Variants in ENOX1 observed in about 807,000 individuals in gnomAD.
ENOX1 encodes ecto-NOX disulfide-thiol exchanger 1.
ENOX1 carries 42 observed loss-of-function variants against 82.5 expected under a neutral mutation model. The ratio of observed to expected loss-of-function variants is 0.51; its 90% CI spans 0.40 to 0.66. ENOX1 has a LOEUF of 0.66. ENOX1 is among the 30% of genes least tolerant of loss of function. The probability of loss-of-function intolerance (pLI) is 0.00; values close to 1 mark genes in which losing one functional copy is unlikely to be tolerated. For synonymous variants in ENOX1, 271 were observed against 282.2 expected (o/e 0.96, Z 0.40); for missense variants, 608 against 811.6 (o/e 0.75, Z 3.05).
Position 43,726,361 on chromosome 13 carries a change from C to T in ENOX1, c.-284-58817G>A, listed in dbSNP as rs1273246333. 3.3e-5 allele frequency among the ~76,000 whole-genome samples: 5 copies of T among 151,918 alleles called. No individual in the cohort carries two copies. In the South Asian group the frequency reaches 8.3e-4, roughly 25 times the overall value. On this transcript the variant is annotated intron_variant, in intron 1 of 16. Coordinates refer to ENST00000690772, the MANE Select transcript of ENOX1 (RefSeq NM_001347969.2). ...CCTCCTGAGTAGCTGGTATTATAGGCGTGCATCACTACACCTAGCTAATTT... is the reference window on the plus strand; with the variant it reads ...CCTCCTGAGTAGCTGGTATTATAGGTGTGCATCACTACACCTAGCTAATTT...
At chr13:43,600,186 G>C (rs1594037111) in intron 2 of ENOX1, among the ~76,000 whole-genome samples, 1 of 152,184 alleles carries the variant, frequency 6.6e-6, no homozygotes, top group East Asian at 1.9e-4. Context: ...TTAGGAACCA[G>C]CTCCGTCACA....
intron 11 of ENOX1, among the ~76,000 whole-genome samples, chr13:43,314,966 T>G (rs1175722257): frequency 6.6e-6 from 1 of 152,232 alleles, no homozygotes; most frequent in East Asian, 1.9e-4. Context: ...TGTTCTCTAT[T>G]TTCTATTCCA....
chr13:43,346,907 AAG>A (rs2049421043), intron 8 of ENOX1, among the ~76,000 whole-genome samples: 1 of 152,208 alleles, frequency 6.6e-6, no homozygotes, highest in East Asian at 1.9e-4. Context: ...ACAACAGAAA[AAG>A]AGAACACTGA....
chr13:43,582,230 G>C (rs891046269), intron 2 of ENOX1, among the ~76,000 whole-genome samples: 1 of 151,696 alleles, frequency 6.6e-6, no homozygotes, highest in Non-Finnish European at 1.5e-5. Context: ...TTAATAACAT[G>C]CAGAAAATAA....
intron 3 of ENOX1, among the ~76,000 whole-genome samples, chr13:43,449,030 G>A (rs1315738768): frequency 6.6e-6 from 1 of 152,172 alleles, no homozygotes; most frequent in Admixed American, 6.5e-5. Flanking sequence ...CAGAGACAAT[G>A]TTTGTTGAAT....
chr13:43,704,092 C>A (rs1398978898), intron 1 of ENOX1, among the ~76,000 whole-genome samples: 3 of 151,732 alleles, frequency 2.0e-5, no homozygotes, highest in Non-Finnish European at 4.4e-5. Context: ...AAGAAGAGTG[C>A]ACTTTAATAA....
At chr13:43,330,912 T>C (rs1386044742) in intron 9 of ENOX1, among the ~76,000 whole-genome samples, 2 of 152,318 alleles carry the variant, frequency 1.3e-5, no homozygotes, top group South Asian at 2.1e-4. Flanking sequence ...AAGACTAATT[T>C]AACAACTTTT....
intron 2 of ENOX1, among the ~76,000 whole-genome samples, chr13:43,630,348 T>C (rs1682021394): frequency 6.6e-6 from 1 of 152,174 alleles, no homozygotes; most frequent in Non-Finnish European, 1.5e-5. Context: ...CTGGGCTTGT[T>C]TGTATGGTAG....
chr13:43,390,394 GA>G (rs2052700885), intron 5 of ENOX1, among the ~76,000 whole-genome samples: 1 of 152,084 alleles, frequency 6.6e-6, no homozygotes, highest in Non-Finnish European at 1.5e-5. Flanking sequence ...TTATCAAGGA[GA>G]ATGCCTGCAA....
chr13:43,768,428 C>A (rs1951407348), intron 1 of ENOX1, among the ~76,000 whole-genome samples: 2 of 152,070 alleles, frequency 1.3e-5, no homozygotes, highest in Non-Finnish European at 2.9e-5. Context: ...ATAGTGAGAT[C>A]CTGTCTCTGC....
chr13:43,691,304 C>A (rs117918594), intron 1 of ENOX1, among the ~76,000 whole-genome samples: 1 of 151,982 alleles, frequency 6.6e-6, no homozygotes, highest in African/African-American at 2.4e-5. Context: ...GTCCGGGTGC[C>A]CATCACTCCT....
chr13:43,430,869 A>T (rs2055615026), intron 3 of ENOX1, among the ~76,000 whole-genome samples: 1 of 152,262 alleles, frequency 6.6e-6, no homozygotes. Flanking sequence ...ATGCCAAGGC[A>T]ACTCAAAGGT....
chr13:43,354,284 C>T (rs923283962), intron 8 of ENOX1, among the ~76,000 whole-genome samples: 6 of 152,158 alleles, frequency 3.9e-5, no homozygotes, highest in Non-Finnish European at 8.8e-5. Flanking sequence ...AAAGGCACAG[C>T]CATGGCCTAT....
intron 1 of ENOX1, among the ~76,000 whole-genome samples, chr13:43,767,681 C>T (rs1951357890): frequency 6.6e-6 from 1 of 152,214 alleles, no homozygotes; most frequent in Admixed American, 6.5e-5. Context: ...ACTCAGCTTC[C>T]ACCAAAGCAC....
chr13:43,348,194 C>T (rs1404482103), intron 8 of ENOX1, among the ~76,000 whole-genome samples: 1 of 152,220 alleles, frequency 6.6e-6, no homozygotes, highest in Non-Finnish European at 1.5e-5. Flanking sequence ...AAAGAAATCT[C>T]TTCTGCAACT....
chr13:43,676,568 G>A (rs2085521493), intron 1 of ENOX1, among the ~76,000 whole-genome samples: 1 of 152,074 alleles, frequency 6.6e-6, no homozygotes. Context: ...AATGTGGGTT[G>A]GTTGTTTTCT....
At chr13:43,652,698 C>T (rs1478413090) in intron 2 of ENOX1, among the ~76,000 whole-genome samples, 2 of 152,168 alleles carry the variant, frequency 1.3e-5, no homozygotes, top group African/African-American at 4.8e-5. Flanking sequence ...GAGAATGCTG[C>T]ACTCTAGAGT....
intron 1 of ENOX1, among the ~76,000 whole-genome samples, chr13:43,723,891 A>G (rs375871238): frequency 6.6e-6 from 1 of 152,242 alleles, no homozygotes; most frequent in Non-Finnish European, 1.5e-5. Flanking sequence ...TGTTAGGATA[A>G]AAATGTCCAA....
intron 6 of ENOX1, among the ~76,000 whole-genome samples, chr13:43,360,711 C>CA (rs36107926): frequency 0.37 from 51,782 of 140,778 alleles, 10,114 homozygotes; most frequent in East Asian, 0.51. Flanking sequence ...ATATGAATGA[C>CA]AAAAAAAAAA....
Sources: allele counts gnomAD v4.1 joint callset (sites outside exome capture counted in the v4.1 genomes callset), GRCh38; gene constraint gnomAD v4.1.1; transcripts MANE v1.5; gene names NCBI Gene and HGNC (gene_info 2026-07-23, HGNC 2026-07-21).